EPPK1: variants seen among roughly 807,000 people sequenced by gnomAD.
The protein encoded by EPPK1 is epiplakin.
For synonymous variants in EPPK1, 1,862 were observed against 1,721.2 expected, an observed-to-expected ratio of 1.08 and a Z score of -2.03; for missense variants, 3,823 against 3,673.3, an observed-to-expected ratio of 1.04 and a Z score of -1.05.
chr8:143,866,993 C>G lies in EPPK1; in HGVS notation c.6261G>C (p.Lys2087Asn). ...DTGWLLFPVN[K>N]AARDSEHIDD... is the part of the protein sequence containing the mutation. ...CGATGTGCTCGGAGTCCCGTGCAGCCTTGTTCACTGGGAACAGCAGCCAGC... is the reference window on the plus strand; with the variant it reads ...CGATGTGCTCGGAGTCCCGTGCAGCGTTGTTCACTGGGAACAGCAGCCAGC... Residue 2087 changes from lysine (K) to asparagine (N), a missense_variant, in exon 2 of 2, where the codon AAG (lysine) becomes AAC (asparagine). Coordinates refer to ENST00000615648, the MANE Select transcript of EPPK1 (RefSeq NM_031308.4). 1.2e-6 allele frequency: 2 copies of G among 1,612,882 alleles called. No homozygotes were observed. The highest frequency in any genetic ancestry group is 8.5e-7 in the Non-Finnish European group (1 of 1,179,868).
rs1554661426 is a variant in EPPK1, at chr8:143,872,081, T to C, written c.1173A>G (p.Ala391=). The C allele has an allele frequency of 6.4e-7, 1 of 1,563,042 alleles. No homozygotes were observed. The highest frequency in any genetic ancestry group is 1.4e-5 in the African/African-American group (1 of 73,774). ...MKKGLVDRPL[A]LRLLDAQLAT... ...CCAGCTGGGCATCCAAGAGCCGCAG[T>C]GCCAGTGGCCTGTCCACTAGCCCCT... The change falls in exon 2 of 2, where the codon GCA becomes GCG. Residue 391 remains alanine, a synonymous_variant. Transcript: ENST00000615648.
Position 143,870,686 on chromosome 8 carries a change from C to T in EPPK1, c.2568G>A (p.Gln856=). The T allele has an allele frequency of 6.2e-7, 1 of 1,609,646 alleles. No homozygotes were observed. Among genetic ancestry groups the T allele is most frequent in the Non-Finnish European group, 8.5e-7 (1 of 1,178,494 alleles). Residue 856 remains glutamine (Q), a synonymous_variant, in exon 2 of 2, where the codon CAG becomes CAA. Coordinates refer to ENST00000615648, the MANE Select transcript of EPPK1 (RefSeq NM_031308.4). The surrounding 1 kb of genome is among the most constrained non-coding windows in gnomAD (Gnocchi z 5.2). ...RRRQLLRRYR[Q]REVTLGQVAK... is the part of the protein sequence containing the mutation. ...CCACCTGCCCCAGCGTGACCTCGCGCTGCCGGTAGCGACGCAGCAGCTGCC... is the reference window on the plus strand; with the variant it reads ...CCACCTGCCCCAGCGTGACCTCGCGTTGCCGGTAGCGACGCAGCAGCTGCC...
chr8:143,867,375 A>T lies in EPPK1; in HGVS notation c.5879T>A (p.Val1960Glu). ...GAGCCTCTCCCGCAGCTCCTCGTTC[A>T]CCAGGCCCACATCCACAGCCTCATC... ...SVDEAVDVGL[V>E]NEELRERLLK... The change falls in exon 2 of 2, where the codon GTG becomes GAG. Residue 1960 changes from valine to glutamate, a missense_variant. Transcript: ENST00000615648. 6.2e-7 allele frequency: 1 copy of T among 1,612,820 alleles called. No individual in the cohort carries two copies.
rs149845388 is a variant in EPPK1 at position 143,877,713 on chromosome 8, C to G, written c.-46+725G>C. Reference sequence around the variant, plus strand: ...GGAGGCAGCAGCCTTAGCTTCTGCCCGGCTGTGTGCCCTTGTGGGAAGACC... The same window carrying G: ...GGAGGCAGCAGCCTTAGCTTCTGCCGGGCTGTGTGCCCTTGTGGGAAGACC... On this transcript the variant is annotated intron_variant, in intron 1 of 1. Coordinates refer to ENST00000615648, the MANE Select transcript of EPPK1 (RefSeq NM_031308.4). 3.8e-3 allele frequency among the ~76,000 whole-genome samples: 573 copies of G among 152,286 alleles called. 6 individuals are homozygous for G. Among genetic ancestry groups the G allele is most frequent in the African/African-American group, 0.013 (555 of 41,574 alleles).
chr8:143,869,030 C>T lies in EPPK1; in HGVS notation c.4224G>A (p.Ala1408=), dbSNP rs375926704. ...KDNKFFFDPS[A]RDQVTYQQLR... ...GCTGCTGGTAGGTCACCTGGTCCCG[C>T]GCACTGGGGTCAAAGAAGAACTTGT... is the stretch of plus-strand genomic sequence containing the variant. Residue 1408 remains alanine, a synonymous_variant, in exon 2 of 2, where the codon GCG becomes GCA. Coordinates refer to ENST00000615648, the MANE Select transcript of EPPK1 (RefSeq NM_031308.4). 3.7e-5 allele frequency: 59 copies of T among 1,610,022 alleles called. No individual in the cohort carries two copies. Among genetic ancestry groups the T allele is most frequent in the African/African-American group, 1.7e-4 (13 of 74,944 alleles).
rs923676573 is a variant in EPPK1 at position 143,857,979 on chromosome 8, A to G, written c.*8T>C. 1 of 1,565,774 alleles carries G rather than the reference A, an allele frequency of 6.4e-7. No homozygotes were observed. The highest frequency in any genetic ancestry group is 1.2e-5 in the South Asian group (1 of 86,692). On this transcript the variant is annotated 3_prime_UTR_variant, in exon 2 of 2. Coordinates refer to ENST00000615648, the MANE Select transcript of EPPK1 (RefSeq NM_031308.4). ...AGAGTTGCAGAAAACTGCACGGAGG[A>G]AGCCCAGTCACTGTAGAGAGAGAGA...
intron 1 of EPPK1, among the ~76,000 whole-genome samples, chr8:143,875,112 T>C (rs1426864194): frequency 6.6e-6 from 1 of 152,112 alleles, no homozygotes; most frequent in Admixed American, 6.5e-5. Context: ...CCCAAAACCA[T>C]GTGCCCAGCT....
In EPPK1 at chr8:143,868,147, C is replaced by T. The variant is rs376282743; in HGVS notation, c.5107G>A (p.Val1703Met). 6.4e-5 allele frequency: 103 copies of T among 1,613,082 alleles called. No individual in the cohort carries two copies. Among genetic ancestry groups the T allele is most frequent in the East Asian group, 8.9e-5 (4 of 44,898 alleles). ...PVHSHRVPVDVAYRCGYFDEE... is the reference protein window; with the variant it reads ...PVHSHRVPVDMAYRCGYFDEE... ...TCGAAGTAGCCGCAGCGGTAGGCCA[C>T]GTCCACGGGCACGCGGTGGCTGTGC... Residue 1703 changes from valine to methionine, a missense_variant, in exon 2 of 2, where the codon GTG (valine) becomes ATG (methionine). Transcript: ENST00000615648.
At position 143,872,879 on chromosome 8, in the gene EPPK1, G is replaced by T; in HGVS notation, c.375C>A (p.Pro125=). The part of the protein sequence containing the change: ...AERATTGYPD[P]YGGEKLALFQ... ...AGAGGGCCAGCTTCTCACCGCCGTA[G>T]GGGTCAGGATAGCCCGTAGTGGCAC... The change falls in exon 2 of 2, where the codon CCC becomes CCA. Residue 125 remains proline, a synonymous_variant. Transcript: ENST00000615648. The T allele has an allele frequency of 6.3e-7, 1 of 1,590,110 alleles. No individual in the cohort carries two copies.
Position 143,870,343 on chromosome 8 carries a change from C to A in EPPK1, c.2911G>T (p.Gly971Ter). 2 of 1,557,892 alleles carry A rather than the reference C, an allele frequency of 1.3e-6. No individual in the cohort carries two copies. Among genetic ancestry groups the A allele is most frequent in the Non-Finnish European group, 8.6e-7 (1 of 1,156,910 alleles). Reference sequence around the variant, plus strand: ...GGGCTGTGAGGGTCCATGATGGTTCCGGTGGCCGCCTGGGCCTCCAGCAGG... The same window carrying A: ...GGGCTGTGAGGGTCCATGATGGTTCAGGTGGCCGCCTGGGCCTCCAGCAGG... ...LALLEAQAAT[G>*]TIMDPHSPES... The change falls in exon 2 of 2, where the codon GGA (glycine) becomes TGA (stop). Residue 971 changes from glycine (G) to a stop codon, truncating the protein, a stop_gained. Coordinates refer to ENST00000615648, the MANE Select transcript of EPPK1 (RefSeq NM_031308.4). LOFTEE classifies it low-confidence loss of function (END_TRUNC). This position sits in a 1 kb window ranked among gnomAD's most constrained non-coding sequence, Gnocchi z 5.2.
In EPPK1 at chr8:143,867,325, C is replaced by T; in HGVS notation, c.5929G>A (p.Gly1977Ser). ...TCTCCTGTGGCCGGATCCCTGTAGC[C>T]CGTGGCAGCTCTTTCAGCCTTCAGG... is the stretch of plus-strand genomic sequence containing the variant. ...RLLKAERAAT[G>S]YRDPATGDTI... Residue 1977 changes from glycine to serine, a missense_variant, in exon 2 of 2, where the codon GGC (glycine) becomes AGC (serine). Transcript: ENST00000615648. The T allele has an allele frequency of 1.2e-6, 2 of 1,612,726 alleles. No homozygotes were observed. The highest frequency in any genetic ancestry group is 1.1e-5 in the South Asian group (1 of 91,080).
chr8:143,869,095 T>A lies in EPPK1; in HGVS notation c.4159A>T (p.Thr1387Ser). 1 of 1,607,320 alleles carries A rather than the reference T, an allele frequency of 6.2e-7. No individual in the cohort carries two copies. The highest frequency in any genetic ancestry group is 8.5e-7 in the Non-Finnish European group (1 of 1,179,788). The change falls in exon 2 of 2, where the codon ACA becomes TCA. Residue 1387 changes from threonine (T) to serine (S), a missense_variant. Transcript: ENST00000615648. ...AAACRLGLLD[T>S]QTSQVLTAVD... ...GCAGTCAGCACCTGGCTCGTCTGTG[T>A]GTCCAGAAGGCCGAGTCTGCAGGCT...
Position 143,871,398 on chromosome 8 carries a change from C to T in EPPK1, c.1856G>A (p.Gly619Asp). The change falls in exon 2 of 2, where the codon GGC (glycine) becomes GAC (aspartate). Residue 619 changes from glycine (G) to aspartate (D), a missense_variant. Coordinates refer to ENST00000615648, the MANE Select transcript of EPPK1 (RefSeq NM_031308.4). ...ATAGATGCTCAGGCGTTCCTGGGAG[C>T]CAGGGAGCAGCAGGCCAGCAATGCA... is the stretch of plus-strand genomic sequence containing the variant. ...TGCIAGLLLP[G>D]SQERLSIYEA... 1 of 1,605,272 alleles carries T rather than the reference C, an allele frequency of 6.2e-7. No homozygotes were observed. Among genetic ancestry groups the T allele is most frequent in the Admixed American group, 1.7e-5 (1 of 59,002 alleles).
rs1554661717 is a variant in EPPK1 at position 143,872,799 on chromosome 8, T to G, written c.455A>C (p.Glu152Ala). Residue 152 changes from glutamate to alanine, a missense_variant, in exon 2 of 2, where the codon GAG becomes GCG. Physicochemically the swap from Glu to Ala is moderately radical, Grantham distance 107 (BLOSUM62 -1). Transcript: ENST00000615648. ...VDRALGQSWL[E>A]VQLATGGLVD... Reference sequence around the variant, plus strand: ...CAGGCCCCCAGTGGCCAGTTGGACCTCCAGCCAGCTCTGCCCCAGGGCCCT... The same window carrying G: ...CAGGCCCCCAGTGGCCAGTTGGACCGCCAGCCAGCTCTGCCCCAGGGCCCT... The G allele has an allele frequency of 6.4e-7, 1 of 1,570,374 alleles. No homozygotes were observed. Among genetic ancestry groups the G allele is most frequent in the African/African-American group, 1.4e-5 (1 of 73,940 alleles).
upstream of EPPK1, chr8:143,878,545 C>A (rs79617566): frequency 0.17 from 21,055 of 125,574 alleles, 2,367 homozygotes; most frequent in East Asian, 0.59. Context: ...GTCGGGGCCC[C>A]GACGCGGGGC....
chr8:143,873,913 C>T (rs1374623517), intron 1 of EPPK1, among the ~76,000 whole-genome samples: 1 of 152,202 alleles, frequency 6.6e-6, no homozygotes, highest in Non-Finnish European at 1.5e-5. Flanking sequence ...ATCCACCAGG[C>T]TCCAGCAAGA....
chr8:143,867,802 C>T lies in EPPK1; in HGVS notation c.5452G>A (p.Gly1818Arg). The T allele has an allele frequency of 6.2e-7, 1 of 1,613,662 alleles. No individual in the cohort carries two copies. Among genetic ancestry groups the T allele is most frequent in the Non-Finnish European group, 8.5e-7 (1 of 1,179,872 alleles). ...DRKRELIQEY[G>R]AQSGGLEKLL... ...TTCTCCAGGCCCCCACTCTGGGCTC[C>T]ATACTCCTGGATGAGCTCCCGCTTC... Residue 1818 changes from glycine to arginine, a missense_variant, in exon 2 of 2, where the codon GGA becomes AGA. By Grantham distance (125) the Gly-to-Arg change is moderately radical. Transcript: ENST00000615648.
chr8:143,857,358 T>C lies in EPPK1; in HGVS notation c.*629A>G, dbSNP rs1818909248. 1 of 152,286 alleles carries C rather than the reference T, an allele frequency of 6.6e-6. No individual in the cohort carries two copies. Among genetic ancestry groups the C allele is most frequent in the African/African-American group, 2.4e-5 (1 of 41,462 alleles). 9.4% of individuals were successfully genotyped at this position (152,286 alleles called of 1,614,324 possible). ...TATTTTACTTGTTCAGAATTTTTCC[T>C]AGTAAATTACTACAAAAAGTTCTTC... is the stretch of plus-strand genomic sequence containing the variant. On this transcript the variant is annotated 3_prime_UTR_variant, in exon 2 of 2. Transcript: ENST00000615648.
chr8:143,878,413 G>GCCGCACCCGCCGCACCCGCCGCACCTGC (rs1563892042), intron 1 of EPPK1, 25 bp downstream of exon 1: 2 of 92,146 alleles, frequency 2.2e-5, no homozygotes, highest in African/African-American at 9.4e-5. Flanking sequence ...CGCCGCACCC[G>GCCGCACCCGCCGCACCCGCCGCACCTGC]CCGCACCCGC....
Sources: gnomAD v4.1 joint callset for allele counts (sites outside exome capture counted in the v4.1 genomes callset) on GRCh38, gnomAD v4.1.1 for gene constraint, Gnocchi (gnomAD v3.1) non-coding constraint, MANE v1.5 for transcripts, NCBI Gene and HGNC (gene_info 2026-07-23, HGNC 2026-07-21) for gene names.